Variants in KCNIP3 observed in about 807,000 individuals in gnomAD.
KCNIP3 encodes the protein potassium voltage-gated channel interacting protein 3, also known as calsenilin.
A neutral mutation model predicts 35.0 loss-of-function variants in KCNIP3; 28 were observed. That is an observed-to-expected ratio of 0.80 (90% CI 0.59 to 1.10). The LOEUF is 1.10. Among genes scored for constraint, KCNIP3 ranks in the 50% least tolerant of loss-of-function variants. The pLI is 0.00. For synonymous variants in KCNIP3, 134 were observed against 133.8 expected, an observed-to-expected ratio of 1.00 and a Z score of -0.01; for missense variants, 295 against 338.4, an observed-to-expected ratio of 0.87 and a Z score of 1.01.
chr2:95,315,553 ATGGT>A (rs905547974), intron 2 of KCNIP3, among the ~76,000 whole-genome samples: 12 of 152,082 alleles, frequency 7.9e-5, no homozygotes, highest in Admixed American at 5.9e-4. Flanking sequence ...CCCTGAACTA[ATGGT>A]TAACAGCCAT....
At chr2:95,362,940 C>A (rs1390373735) in intron 2 of KCNIP3, among the ~76,000 whole-genome samples, 2 of 152,142 alleles carry the variant, frequency 1.3e-5, no homozygotes, top group South Asian at 4.2e-4. Flanking sequence ...TGCTAATTTA[C>A]GTGTTCCTGT....
chr2:95,348,557 C>T (rs1679434837), intron 2 of KCNIP3, among the ~76,000 whole-genome samples: 3 of 152,230 alleles, frequency 2.0e-5, no homozygotes, highest in South Asian at 4.1e-4. Flanking sequence ...AGCCTCACTT[C>T]ACTTAGTACC....
intron 2 of KCNIP3, among the ~76,000 whole-genome samples, chr2:95,337,507 G>T (rs1679088392): frequency 6.6e-6 from 1 of 152,146 alleles, no homozygotes; most frequent in Non-Finnish European, 1.5e-5. Flanking sequence ...GTGTCATTGG[G>T]ATATAAGATG....
chr2:95,369,918 G>A (rs1235502576), intron 2 of KCNIP3, among the ~76,000 whole-genome samples: 2 of 152,180 alleles, frequency 1.3e-5, no homozygotes, highest in African/African-American at 4.8e-5. Context: ...ACTGCACTCA[G>A]TCCATCCAGT....
rs58903840 is a variant in KCNIP3 at position 95,384,169 on chromosome 2, TACACACACACACACACACACACAC to T, written c.*134_*157del. The T allele has an allele frequency of 2.1e-5, 11 of 513,308 alleles. No individual in the cohort carries two copies. Among genetic ancestry groups the T allele is most frequent in the Non-Finnish European group, 3.9e-5 (11 of 279,368 alleles). 31.8% of individuals were successfully genotyped at this position (513,308 alleles called of 1,614,324 possible). On this transcript the variant is annotated 3_prime_UTR_variant, in exon 9 of 9. Transcript: ENST00000295225. ...GATTTGCAAAAAGTGAACAGATTGC[TACACACACACACACACACACACAC>T]ACACACACACACAGCCATTCATCTG...
At chr2:95,358,822 A>G (rs1679720910) in intron 2 of KCNIP3, among the ~76,000 whole-genome samples, 1 of 152,202 alleles carries the variant, frequency 6.6e-6, no homozygotes, top group African/African-American at 2.4e-5. Context: ...GCCCTCGTAA[A>G]CTAAACATTT....
rs1381552668 is a variant in KCNIP3 at position 95,332,387 on chromosome 2, GT to G, written c.181+21868del. 2.6e-5 allele frequency among the ~76,000 whole-genome samples: 4 copies of G among 152,396 alleles called. No homozygotes were observed. The East Asian group carries it at 7.7e-4, about 29-fold the overall frequency. ...CCAGCACTTTGGGAGGCTGAGGCGG[GT>G]GGATGACCTGAGGTCAGGAGTTCAA... On this transcript the variant is annotated intron_variant, in intron 2 of 8. Coordinates refer to ENST00000295225, the MANE Select transcript of KCNIP3 (RefSeq NM_013434.5).
rs940415822 is a variant in KCNIP3 at position 95,376,662 on chromosome 2, G to T, written c.447+1454G>T. On this transcript the variant is annotated intron_variant, in intron 5 of 8. Transcript: ENST00000295225. This position sits in a 1 kb window ranked among gnomAD's most constrained non-coding sequence, Gnocchi z 4.2. Reference sequence around the variant, plus strand: ...GTACATTTACCTTGAGGAACTTCTCGATTTCAAAGTGTTCTGCTCTGGGAA... The same window carrying T: ...GTACATTTACCTTGAGGAACTTCTCTATTTCAAAGTGTTCTGCTCTGGGAA... Among the ~76,000 whole-genome samples the T allele has an allele frequency of 6.6e-6, 1 of 152,238 alleles. No homozygotes were observed. The highest frequency in any genetic ancestry group is 1.5e-5 in the Non-Finnish European group (1 of 68,054).
At chr2:95,353,096 G>C (rs961479472) in intron 2 of KCNIP3, among the ~76,000 whole-genome samples, 2 of 152,214 alleles carry the variant, frequency 1.3e-5, no homozygotes, top group African/African-American at 4.8e-5. Context: ...GGGGCTGTAA[G>C]GGCCTCCCAG....
chr2:95,326,365 A>G (rs1413574931), intron 2 of KCNIP3, among the ~76,000 whole-genome samples: 1 of 152,078 alleles, frequency 6.6e-6, no homozygotes, highest in African/African-American at 2.4e-5. Context: ...CACACACCCC[A>G]GTACACACTC....
At chr2:95,360,527 A>G (rs962972878) in intron 2 of KCNIP3, among the ~76,000 whole-genome samples, 39 of 152,126 alleles carry the variant, frequency 2.6e-4, no homozygotes, top group Non-Finnish European at 1.2e-4. Context: ...CCACTTTCAC[A>G]TTTTTAAGTA....
intron 5 of KCNIP3, 122 bp downstream of exon 5, chr2:95,375,330 G>A: frequency 1.1e-6 from 1 of 896,034 alleles, no homozygotes; most frequent in Non-Finnish European, 1.8e-6. Context: ...AGGATCTTGT[G>A]AGTCACCCTG....
intron 2 of KCNIP3, among the ~76,000 whole-genome samples, chr2:95,342,255 C>T (rs1172877264): frequency 6.6e-6 from 1 of 152,190 alleles, no homozygotes; most frequent in Admixed American, 6.5e-5. Flanking sequence ...CAAATCCTGA[C>T]TCTGGTTTAT....
rs1343609175 is a variant in KCNIP3 at position 95,347,575 on chromosome 2, C to T, written c.182-26721C>T. Among the ~76,000 whole-genome samples the T allele has an allele frequency of 2.6e-5, 4 of 152,214 alleles. No individual in the cohort carries two copies. The South Asian group carries it at 6.2e-4, about 24-fold the overall frequency. On this transcript the variant is annotated intron_variant, in intron 2 of 8. Coordinates refer to ENST00000295225, the MANE Select transcript of KCNIP3 (RefSeq NM_013434.5). ...CGCCCCGCACCTGGTATCCAGTTAC[C>T]CCTCCCCAAGCAAGGTTCAAGCCCA... is the stretch of plus-strand genomic sequence containing the variant.
intron 2 of KCNIP3, among the ~76,000 whole-genome samples, chr2:95,321,588 T>C (rs1203606660): frequency 2.6e-5 from 4 of 152,170 alleles, no homozygotes; most frequent in Admixed American, 6.5e-5. Context: ...AGACATTGAG[T>C]GCGTGTCAAG....
chr2:95,338,676 A>G (rs898402621), intron 2 of KCNIP3, among the ~76,000 whole-genome samples: 1 of 152,228 alleles, frequency 6.6e-6, no homozygotes, highest in Admixed American at 6.5e-5. Flanking sequence ...AAGGCAGAGA[A>G]GCAATTCCAA....
intron 2 of KCNIP3, 41 bp downstream of exon 2, chr2:95,310,561 G>T: frequency 6.6e-7 from 1 of 1,523,276 alleles, no homozygotes; most frequent in East Asian, 2.3e-5. Flanking sequence ...TGGGGGTGGG[G>T]AGATCTGTTC....
chr2:95,375,213 G>A lies in KCNIP3; in HGVS notation c.447+5G>A, dbSNP rs1680152127. The A allele has an allele frequency of 6.2e-7, 1 of 1,613,720 alleles. No individual in the cohort carries two copies. Among genetic ancestry groups the A allele is most frequent in the Non-Finnish European group, 8.5e-7 (1 of 1,179,746 alleles). ...AACGGGGCCATCCACTTTGAGGTAG[G>A]TCCTCGCGGATTCCTCCCACGTGTC... On this transcript the variant is annotated splice_donor_5th_base_variant and intron_variant, in intron 5 of 8. Coordinates refer to ENST00000295225, the MANE Select transcript of KCNIP3 (RefSeq NM_013434.5).
At chr2:95,353,673 G>A (rs985839067) in intron 2 of KCNIP3, among the ~76,000 whole-genome samples, 11 of 152,266 alleles carry the variant, frequency 7.2e-5, no homozygotes, top group Admixed American at 2.6e-4. Flanking sequence ...TTCAGAAGGG[G>A]AGGGCAAGCA....
Sources: allele counts gnomAD v4.1 joint callset (sites outside exome capture counted in the v4.1 genomes callset), GRCh38; gene constraint gnomAD v4.1.1; non-coding constraint Gnocchi (gnomAD v3.1); transcripts MANE v1.5; gene names NCBI Gene and HGNC (gene_info 2026-07-23, HGNC 2026-07-21).